Variants in METTL9 observed in about 807,000 individuals in gnomAD.
The protein encoded by METTL9 is protein-L-histidine N-pros-methyltransferase.
A neutral mutation model predicts 36.0 loss-of-function variants in METTL9; 10 were observed. The observed-to-expected ratio is 0.28, with a 90% CI of 0.17 to 0.47. METTL9 has a LOEUF of 0.47. Ranked by LOEUF, METTL9 falls within the 20% of genes least tolerant of loss-of-function variation. METTL9 has a pLI of 0.99. For missense variants in METTL9, 246 were observed against 383.5 expected (o/e 0.64, Z 3.00); for synonymous variants, 175 against 149.7 (o/e 1.17, Z -1.23).
chr16:21,627,173 T>C (rs1965835114), intron 4 of METTL9: 1 of 985,376 alleles, frequency 1.0e-6, no homozygotes, highest in African/African-American at 1.7e-5. Flanking sequence ...ACTAATTAGA[T>C]CCTGATGATT....
intron 1 of METTL9, among the ~76,000 whole-genome samples, chr16:21,601,017 G>A (rs932161154): frequency 6.6e-6 from 1 of 152,150 alleles, no homozygotes. Flanking sequence ...GTCTAAGAAG[G>A]AGATAGAGCA....
chr16:21,603,243 G>A (rs1249963459), intron 1 of METTL9, among the ~76,000 whole-genome samples: 4 of 151,716 alleles, frequency 2.6e-5, no homozygotes, highest in Non-Finnish European at 4.4e-5. Flanking sequence ...GGGTTCAAGC[G>A]GTTCTCATGC....
rs1966329881 is a variant in METTL9 at position 21,643,410 on chromosome 16, G to A, written c.752-11817G>A. On this transcript the variant is annotated intron_variant, in intron 4 of 4. Coordinates refer to ENST00000358154, the MANE Select transcript of METTL9 (RefSeq NM_016025.5). Reference sequence around the variant, plus strand: ...TTGAGTTTCTCAACAATAGGAAATAGTGTCTGCAGTTGAAAGTTACCTTGA... The same window carrying A: ...TTGAGTTTCTCAACAATAGGAAATAATGTCTGCAGTTGAAAGTTACCTTGA... 3 of 637,874 alleles carry A rather than the reference G, an allele frequency of 4.7e-6. No homozygotes were observed. In the East Asian group the frequency reaches 8.2e-5, roughly 17 times the overall value. 39.5% of individuals were successfully genotyped at this position (637,874 alleles called of 1,614,324 possible).
intron 3 of METTL9, among the ~76,000 whole-genome samples, chr16:21,618,331 T>C (rs1056373674): frequency 1.3e-5 from 2 of 152,152 alleles, no homozygotes; most frequent in Admixed American, 6.5e-5. Flanking sequence ...CTAATCAGAA[T>C]GTGGCATTCT....
rs774443519 is a variant in METTL9, at chr16:21,644,340, G to C, written c.752-10887G>C. ...CACACACCGGTCACATAGACAGAGA[G>C]CAGTGATACAAGAGCTGTCAGGAAG... On this transcript the variant is annotated intron_variant, in intron 4 of 4. Transcript: ENST00000358154. 31 of 1,613,902 alleles carry C rather than the reference G, an allele frequency of 1.9e-5. No individual in the cohort carries two copies. The highest frequency in any genetic ancestry group is 2.6e-5 in the Non-Finnish European group (31 of 1,179,908).
intron 2 of METTL9, among the ~76,000 whole-genome samples, chr16:21,614,611 G>A (rs1244743860): frequency 6.6e-6 from 1 of 152,032 alleles, no homozygotes; most frequent in Non-Finnish European, 1.5e-5. Flanking sequence ...AGTACTTTCC[G>A]GTCATGGCAG....
intron 4 of METTL9, among the ~76,000 whole-genome samples, chr16:21,650,872 G>A (rs1221899681): frequency 6.6e-6 from 1 of 152,162 alleles, no homozygotes; most frequent in Non-Finnish European, 1.5e-5. Context: ...CCAATGAAAA[G>A]GTTGAAGATT....
In METTL9 at chr16:21,627,017, G is replaced by GAGC. The variant is rs1965830815; in HGVS notation, c.751+1903_751+1905dup. The GAGC allele has an allele frequency of 3.1e-5, 31 of 985,318 alleles. No individual in the cohort carries two copies. The South Asian group carries it at 1.4e-3, about 43-fold the overall frequency. 61.0% of individuals were successfully genotyped at this position (985,318 alleles called of 1,614,324 possible). A position where few individuals can be genotyped will look rare whatever the true frequency, so the allele number is the denominator to read the frequency against. On this transcript the variant is annotated intron_variant, in intron 4 of 4. Coordinates refer to ENST00000358154, the MANE Select transcript of METTL9 (RefSeq NM_016025.5). ...CAAGCTCCTTGATTGTGGATGTGCAGAGCTGCCTGTTGAGTCTGAGGAGTC... is the reference window on the plus strand; with the variant it reads ...CAAGCTCCTTGATTGTGGATGTGCAGAGCAGCTGCCTGTTGAGTCTGAGGAGTC...
upstream of METTL9, chr16:21,599,478 C>T (rs1051239518): frequency 1.1e-5 from 13 of 1,182,422 alleles, no homozygotes; most frequent in Non-Finnish European, 1.2e-5. This position sits in a 1 kb window ranked among gnomAD's most constrained non-coding sequence, Gnocchi z 4.4. Flanking sequence ...AGCGACGCGG[C>T]CGCTCGTAAG....
At chr16:21,619,551 G>T (rs1965640504) in intron 3 of METTL9, among the ~76,000 whole-genome samples, 3 of 150,652 alleles carry the variant, frequency 2.0e-5, no homozygotes, top group Non-Finnish European at 4.4e-5. Context: ...CTCCTGAGTA[G>T]CTGGGACTAC....
intron 4 of METTL9, among the ~76,000 whole-genome samples, chr16:21,639,227 T>G (rs985361038): frequency 5.9e-5 from 9 of 152,222 alleles, no homozygotes; most frequent in African/African-American, 2.2e-4. Context: ...CGAAAGTATA[T>G]TCCGTATTTC....
chr16:21,644,497 T>G, intron 4 of METTL9: 1 of 772,208 alleles, frequency 1.3e-6, no homozygotes, highest in South Asian at 1.6e-5. Context: ...AGGTGAAACG[T>G]GAACTTACTC....
intron 4 of METTL9, among the ~76,000 whole-genome samples, chr16:21,630,437 G>T (rs959559872): frequency 6.6e-6 from 1 of 152,254 alleles, no homozygotes; most frequent in African/African-American, 2.4e-5. Flanking sequence ...CTCGAGCACA[G>T]CCAGAGCCGA....
At position 21,599,617 on chromosome 16, in the gene METTL9, G is replaced by C; in HGVS notation, c.-117G>C. 7.5e-7 allele frequency: 1 copy of C among 1,332,944 alleles called. No homozygotes were observed. Among genetic ancestry groups the C allele is most frequent in the Non-Finnish European group, 9.5e-7 (1 of 1,050,270 alleles). 82.6% of individuals were successfully genotyped at this position (1,332,944 alleles called of 1,614,324 possible). ...CTTTGCCCTGAAGGGGGCTGGATGG[G>C]CAAGGCGGCCGCGATGGCTCGAGCT... On this transcript the variant is annotated 5_prime_UTR_variant, in exon 1 of 5. Transcript: ENST00000358154. This position sits in a 1 kb window ranked among gnomAD's most constrained non-coding sequence, Gnocchi z 4.4.
chr16:21,601,050 C>G (rs1419918156), intron 1 of METTL9, among the ~76,000 whole-genome samples: 1 of 152,078 alleles, frequency 6.6e-6, no homozygotes, highest in Admixed American at 6.5e-5. Context: ...AGCATTTAGT[C>G]TTTAGTAATA....
intron 4 of METTL9, chr16:21,644,505 C>T (rs1597784308): frequency 2.9e-6 from 2 of 695,460 alleles, no homozygotes; most frequent in Non-Finnish European, 2.5e-6. Context: ...CGTGAACTTA[C>T]TCTGCTTGCC....
intron 4 of METTL9, chr16:21,643,031 T>C (rs1966316370): frequency 1.5e-6 from 2 of 1,361,818 alleles, no homozygotes; most frequent in Non-Finnish European, 2.1e-6. Flanking sequence ...TCAAACGTGC[T>C]TTATATCTGT....
chr16:21,603,816 T>C (rs1444156970), intron 1 of METTL9, among the ~76,000 whole-genome samples: 2 of 152,218 alleles, frequency 1.3e-5, no homozygotes, highest in African/African-American at 4.8e-5. Context: ...ACAGATAACA[T>C]TCAATATCTG....
intron 3 of METTL9, 21 bp from the exon 4 acceptor site, chr16:21,624,910 A>G (rs1339962441): frequency 6.2e-7 from 1 of 1,607,556 alleles, no homozygotes; most frequent in Non-Finnish European, 8.5e-7. Context: ...ATGTTAATAC[A>G]GTTATTTCTG....
Sources: allele counts gnomAD v4.1 joint callset (sites outside exome capture counted in the v4.1 genomes callset), GRCh38; gene constraint gnomAD v4.1.1; non-coding constraint Gnocchi (gnomAD v3.1); transcripts MANE v1.5; gene names NCBI Gene and HGNC (gene_info 2026-07-23, HGNC 2026-07-21).